Variants in EIF2AK3 observed in about 807,000 individuals in gnomAD.
The protein encoded by EIF2AK3 is eukaryotic translation initiation factor 2-alpha kinase 3.
In EIF2AK3, 50 loss-of-function variants were observed where a neutral mutation model predicts 113.5. That is an observed-to-expected ratio of 0.44 (90% CI 0.35 to 0.56). The LOEUF (loss-of-function observed/expected upper bound fraction) is 0.56. EIF2AK3 is among the 20% of genes least tolerant of loss of function. EIF2AK3 has a pLI of 0.00. For missense variants in EIF2AK3, 1,185 were observed against 1,378.0 expected (o/e 0.86, Z 2.22); for synonymous variants, 448 against 495.4 (o/e 0.90, Z 1.27).
intron 8 of EIF2AK3, among the ~76,000 whole-genome samples, 171 bp from the exon 9 acceptor site, chr2:88,586,232 GTAAA>G (rs1674729373): frequency 6.6e-6 from 1 of 150,846 alleles, no homozygotes; most frequent in African/African-American, 2.4e-5. Flanking sequence ...TTTTTCTCCC[GTAAA>G]TATAGACATT....
chr2:88,625,774 A>G (rs961013805), intron 1 of EIF2AK3, among the ~76,000 whole-genome samples: 26 of 152,206 alleles, frequency 1.7e-4, no homozygotes, highest in Non-Finnish European at 3.5e-4. Flanking sequence ...TCAGAAATTT[A>G]TGATAAACAA....
At position 88,562,408 on chromosome 2, in the gene EIF2AK3, G is replaced by C. The variant is rs1673989749; in HGVS notation, c.2986-18C>G. On this transcript the variant is annotated intron_variant, in intron 14 of 16. Coordinates refer to ENST00000303236, the MANE Select transcript of EIF2AK3 (RefSeq NM_004836.7). Reference sequence around the variant, plus strand: ...CCATGAATCTGAAATCCCACATAAAGAAAATTTAAAAATTAACACAGAGAC... The same window carrying C: ...CCATGAATCTGAAATCCCACATAAACAAAATTTAAAAATTAACACAGAGAC... 4 of 1,600,472 alleles carry C rather than the reference G, an allele frequency of 2.5e-6. No homozygotes were observed. The highest frequency in any genetic ancestry group is 3.4e-6 in the Non-Finnish European group (4 of 1,167,764).
At chr2:88,560,600 A>G (rs1255094558) in intron 15 of EIF2AK3, among the ~76,000 whole-genome samples, 1 of 152,176 alleles carries the variant, frequency 6.6e-6, no homozygotes, top group Non-Finnish European at 1.5e-5. Context: ...CTTTCTTGAC[A>G]GTATTCTCTG....
chr2:88,620,638 ACTGCTCTGTGCTCACTGTACAAACTCC>A lies in EIF2AK3; in HGVS notation c.308+6302_308+6328del, dbSNP rs1675696758. 2.0e-5 allele frequency among the ~76,000 whole-genome samples: 3 copies of A among 152,344 alleles called. No homozygotes were observed. The South Asian group carries it at 6.2e-4, about 32-fold the overall frequency. ...GTCCTGGAGCCCTGGCTTAGGAACC[ACTGCTCTGTGCTCACTGTACAAACTCC>A]CTGCTCTGTGCCCTTGCTCACACTA... On this transcript the variant is annotated intron_variant, in intron 1 of 16. Transcript: ENST00000303236.
At position 88,591,149 on chromosome 2, in the gene EIF2AK3, T is replaced by C; in HGVS notation, c.768-97A>G. 5 of 1,107,580 alleles carry C rather than the reference T, an allele frequency of 4.5e-6. No individual in the cohort carries two copies. The South Asian group carries it at 6.7e-5, about 15-fold the overall frequency. The allele number at this position is 1,107,580 out of a possible 1,614,324, so 68.6% of individuals were successfully genotyped here. ...AGATTGAAGAAGCAAATACTAAAAT[T>C]ATGTGATGAGAAAACTAACAACATA... is the stretch of plus-strand genomic sequence containing the variant. On this transcript the variant is annotated intron_variant, in intron 4 of 16. Coordinates refer to ENST00000303236, the MANE Select transcript of EIF2AK3 (RefSeq NM_004836.7).
intron 2 of EIF2AK3, among the ~76,000 whole-genome samples, chr2:88,609,023 C>T (rs754865787): frequency 1.2e-4 from 18 of 151,694 alleles, no homozygotes; most frequent in South Asian, 2.1e-4. Flanking sequence ...TGTGAGCCAC[C>T]GCGCCCGGCC....
At chr2:88,593,227 T>A (rs371596364) in intron 4 of EIF2AK3, 45 bp downstream of exon 4, 2 of 1,612,008 alleles carry the variant, frequency 1.2e-6, no homozygotes, top group Non-Finnish European at 1.7e-6. Flanking sequence ...TGGTATTAGG[T>A]GTATTTCTAA....
At chr2:88,615,536 G>T (rs964815304) in intron 1 of EIF2AK3, among the ~76,000 whole-genome samples, 1 of 152,154 alleles carries the variant, frequency 6.6e-6, no homozygotes, top group African/African-American at 2.4e-5. Flanking sequence ...GAGTGCTTCT[G>T]TGAAGAATCA....
chr2:88,575,000 T>A lies in EIF2AK3; in HGVS notation c.2483A>T (p.His828Leu), dbSNP rs369837691. The change falls in exon 13 of 17, where the codon CAT (histidine) becomes CTT (leucine). Residue 828 changes from histidine to leucine, a missense_variant. His to Leu is a moderately conservative substitution (Grantham distance 99). Coordinates refer to ENST00000303236, the MANE Select transcript of EIF2AK3 (RefSeq NM_004836.7). ...TTTATTAGCACAATGGTTGCCAATA[T>A]GCAATCGATTAGTTTTCGGCTCTTC... ...SKEEPKTNRL[H>L]IGNHCANKLT... 3.5e-5 allele frequency: 56 copies of A among 1,614,070 alleles called. No individual in the cohort carries two copies. The highest frequency in any genetic ancestry group is 4.6e-5 in the Non-Finnish European group (54 of 1,180,026).
intron 2 of EIF2AK3, among the ~76,000 whole-genome samples, chr2:88,596,723 G>C (rs894146236): frequency 1.3e-5 from 2 of 152,196 alleles, no homozygotes; most frequent in Admixed American, 6.5e-5. Flanking sequence ...AGAGCAGGCA[G>C]AAGGTAAGAG....
At chr2:88,626,943 TC>T (rs2103991990) in intron 1 of EIF2AK3, 23 bp downstream of exon 1, 2 of 1,605,194 alleles carry the variant, frequency 1.2e-6, no homozygotes, top group South Asian at 1.1e-5. Context: ...ACAAGTTGCC[TC>T]CCCCGGGTCG....
At chr2:88,578,419 A>G (rs1247180026) in intron 11 of EIF2AK3, among the ~76,000 whole-genome samples, 1 of 152,042 alleles carries the variant, frequency 6.6e-6, no homozygotes, top group East Asian at 1.9e-4. Flanking sequence ...GTGGTGGTGC[A>G]TGCCTGTAAT....
intron 14 of EIF2AK3, among the ~76,000 whole-genome samples, chr2:88,568,527 T>C (rs542785220): frequency 3.4e-4 from 52 of 152,226 alleles, no homozygotes; most frequent in Non-Finnish European, 6.3e-4. Flanking sequence ...ACCTTTTTAA[T>C]AATCTGACAA....
At chr2:88,627,589 A>C (rs540201768), upstream of EIF2AK3, 51 of 321,556 alleles carry the variant, frequency 1.6e-4, no homozygotes, top group African/African-American at 9.9e-4. Context: ...GGTGGTCAAC[A>C]TCGCACCTAC....
At chr2:88,617,587 C>G (rs1028752687) in intron 1 of EIF2AK3, among the ~76,000 whole-genome samples, 1 of 151,698 alleles carries the variant, frequency 6.6e-6, no homozygotes, top group African/African-American at 2.4e-5. Context: ...AACCCCATCT[C>G]TACTAAAATA....
chr2:88,576,509 C>T (rs778594582), intron 12 of EIF2AK3, 45 bp downstream of exon 12: 2 of 1,610,662 alleles, frequency 1.2e-6, no homozygotes, highest in Non-Finnish European at 1.7e-6. Flanking sequence ...TGTAATCACA[C>T]AAGCAAAAAA....
intron 14 of EIF2AK3, among the ~76,000 whole-genome samples, chr2:88,569,627 C>T (rs1181468807): frequency 6.6e-6 from 1 of 151,960 alleles, no homozygotes; most frequent in Non-Finnish European, 1.5e-5. Context: ...CTTAGGGAAC[C>T]AATAGTTTCC....
chr2:88,612,924 G>C (rs1470031689), intron 2 of EIF2AK3, among the ~76,000 whole-genome samples: 2 of 152,144 alleles, frequency 1.3e-5, no homozygotes, highest in East Asian at 3.8e-4. Context: ...AGAGGTGACT[G>C]CTTCAATGTT....
intron 12 of EIF2AK3, among the ~76,000 whole-genome samples, chr2:88,576,202 A>AT (rs1308125202): frequency 6.6e-6 from 1 of 152,196 alleles, no homozygotes; most frequent in African/African-American, 2.4e-5. Flanking sequence ...ATCAATCACA[A>AT]TGTATAGAGT....
Sources: gnomAD v4.1 joint callset for allele counts (sites outside exome capture counted in the v4.1 genomes callset) on GRCh38, gnomAD v4.1.1 for gene constraint, MANE v1.5 for transcripts, NCBI Gene and HGNC (gene_info 2026-07-23, HGNC 2026-07-21) for gene names.